The following RAD52 variants were observed in gnomAD, a reference collection of about 807,000 sequenced individuals.
The protein encoded by RAD52 is DNA repair protein RAD52 homolog.
A neutral mutation model predicts 55.5 loss-of-function variants in RAD52; 47 were observed. The ratio of observed to expected loss-of-function variants is 0.85; its 90% CI spans 0.67 to 1.08. The LOEUF is 1.08. Ranked by LOEUF, RAD52 falls within the 50% of genes least tolerant of loss-of-function variation. RAD52 has a pLI of 0.00. For missense variants in RAD52, 468 were observed against 522.8 expected (o/e 0.90, Z 1.02); for synonymous variants, 184 against 198.9 (o/e 0.92, Z 0.63).
intron 1 of RAD52, among the ~76,000 whole-genome samples, chr12:948,753 G>A (rs1192297359): frequency 1.3e-5 from 2 of 151,898 alleles, no homozygotes; most frequent in Non-Finnish European, 2.9e-5. Flanking sequence ...AGGCTGGAGT[G>A]CAGTGGTGCG....
intron 1 of RAD52, among the ~76,000 whole-genome samples, chr12:936,028 G>T (rs757206596): frequency 2.6e-5 from 4 of 152,026 alleles, no homozygotes; most frequent in Non-Finnish European, 5.9e-5. Context: ...TTGTGGCCGG[G>T]CACGGTGGCT....
intron 1 of RAD52, chr12:975,478 TTTAG>T (rs1346209866): frequency 2.0e-5 from 3 of 152,312 alleles, no homozygotes; most frequent in Middle Eastern, 3.4e-3. Flanking sequence ...TTAAAGCAAG[TTTAG>T]TTATTGTCCA....
chr12:927,041 A>C (rs1439288288), intron 6 of RAD52, 104 bp downstream of exon 6: 7 of 1,522,900 alleles, frequency 4.6e-6, no homozygotes, highest in South Asian at 4.6e-5. Context: ...CGCTGCTTGG[A>C]TTTTTGAACC....
intron 5 of RAD52, among the ~76,000 whole-genome samples, chr12:927,629 G>A (rs915372182): frequency 2.6e-5 from 4 of 152,166 alleles, no homozygotes; most frequent in Non-Finnish European, 4.4e-5. Flanking sequence ...CCTTTGGGAG[G>A]TCAAGGGAGG....
intron 5 of RAD52, among the ~76,000 whole-genome samples, chr12:928,250 G>A (rs1419328563): frequency 5.9e-5 from 9 of 152,132 alleles, no homozygotes; most frequent in African/African-American, 1.9e-4. Context: ...GGTGGCTCAC[G>A]CCTGTAATCC....
At chr12:941,149 T>A (rs997216558) in intron 1 of RAD52, among the ~76,000 whole-genome samples, 4 of 151,740 alleles carry the variant, frequency 2.6e-5, no homozygotes, top group Non-Finnish European at 4.4e-5. Flanking sequence ...AAAACAAAAA[T>A]AAAGAGAAAA....
intron 1 of RAD52, among the ~76,000 whole-genome samples, chr12:960,704 G>A (rs1003554991): frequency 7.2e-5 from 11 of 152,030 alleles, no homozygotes; most frequent in African/African-American, 7.3e-5. Flanking sequence ...GACCTCAAGC[G>A]ATGCCCCCCT....
chr12:922,211 A>AC (rs1956777558), intron 7 of RAD52, among the ~76,000 whole-genome samples: 1 of 151,438 alleles, frequency 6.6e-6, no homozygotes, highest in Non-Finnish European at 1.5e-5. Context: ...AAAAAAAAAA[A>AC]AACCAAAAAC....
At chr12:965,765 A>G (rs1444120000) in intron 1 of RAD52, among the ~76,000 whole-genome samples, 1 of 151,806 alleles carries the variant, frequency 6.6e-6, no homozygotes, top group Admixed American at 6.6e-5. Context: ...AGAACACTGC[A>G]ACCTCCGCCT....
intron 1 of RAD52, among the ~76,000 whole-genome samples, chr12:970,178 G>A (rs1440040029): frequency 1.3e-5 from 2 of 151,966 alleles, no homozygotes; most frequent in Non-Finnish European, 1.5e-5. Flanking sequence ...GTGGTGGCAG[G>A]TGCCTGTGAT....
chr12:974,607 A>G (rs939194024), intron 1 of RAD52: 1 of 152,214 alleles, frequency 6.6e-6, no homozygotes, highest in African/African-American at 2.4e-5. Flanking sequence ...CTTCTCACTG[A>G]GGCCACTGTA....
intron 1 of RAD52, among the ~76,000 whole-genome samples, chr12:973,168 G>C (rs1025093381): frequency 3.3e-5 from 5 of 151,612 alleles, no homozygotes; most frequent in African/African-American, 9.7e-5. Context: ...CTCCCGGGTT[G>C]ACACCATTCT....
chr12:915,311 G>A (rs565573290), intron 9 of RAD52, among the ~76,000 whole-genome samples: 1 of 152,224 alleles, frequency 6.6e-6, no homozygotes, highest in African/African-American at 2.4e-5. Flanking sequence ...TAACTCAACA[G>A]TAAGGATATC....
At chr12:942,064 C>G (rs1957949194) in intron 1 of RAD52, among the ~76,000 whole-genome samples, 1 of 152,172 alleles carries the variant, frequency 6.6e-6, no homozygotes, top group Admixed American at 6.6e-5. Flanking sequence ...ATCCCAATCA[C>G]AACTTTACCA....
At chr12:937,373 T>C (rs1957692216) in intron 1 of RAD52, among the ~76,000 whole-genome samples, 1 of 151,902 alleles carries the variant, frequency 6.6e-6, no homozygotes, top group Admixed American at 6.6e-5. Context: ...CTCCAGGTTC[T>C]AGGGTACCCA....
intron 1 of RAD52, among the ~76,000 whole-genome samples, chr12:942,475 A>G (rs563197550): frequency 6.1e-4 from 93 of 152,320 alleles, no homozygotes; most frequent in Non-Finnish European, 1.0e-3. Flanking sequence ...TAGGCCGGGC[A>G]CGGTGGCTCA....
At chr12:932,793 G>A (rs977662034) in intron 2 of RAD52, among the ~76,000 whole-genome samples, 182 bp downstream of exon 2, 6 of 151,636 alleles carry the variant, frequency 4.0e-5, no homozygotes, top group African/African-American at 7.3e-5. Context: ...CACGCACCGC[G>A]TCAACGTACT....
intron 7 of RAD52, among the ~76,000 whole-genome samples, chr12:918,902 A>G (rs1395558103): frequency 1.3e-5 from 2 of 152,124 alleles, no homozygotes; most frequent in South Asian, 2.1e-4. Flanking sequence ...ACCTGTCTAT[A>G]TGTTCTTTTT....
chr12:982,753 C>T (rs1462195048), intron 1 of RAD52, among the ~76,000 whole-genome samples: 2 of 149,852 alleles, frequency 1.3e-5, no homozygotes, highest in African/African-American at 4.9e-5. Flanking sequence ...GCAGCCTCGA[C>T]CTCCCAGGCT....
Sources: gnomAD v4.1 joint callset for allele counts (sites outside exome capture counted in the v4.1 genomes callset) on GRCh38, gnomAD v4.1.1 for gene constraint, MANE v1.5 for transcripts, NCBI Gene and HGNC (gene_info 2026-07-23, HGNC 2026-07-21) for gene names.